Variants in SGIP1 observed in about 807,000 individuals in gnomAD.
The protein encoded by SGIP1 is SH3GL interacting endocytic adaptor 1.
In SGIP1, 38 loss-of-function variants were observed where a neutral mutation model predicts 107.5. The observed-to-expected ratio is 0.35, with a 90% CI of 0.27 to 0.46. The LOEUF (loss-of-function observed/expected upper bound fraction) is 0.46. Among genes scored for constraint, SGIP1 ranks in the 20% least tolerant of loss-of-function variants. The probability of loss-of-function intolerance (pLI) is 1.00; values close to 1 mark genes in which losing one functional copy is unlikely to be tolerated. For synonymous variants in SGIP1, 365 were observed against 366.1 expected, an observed-to-expected ratio of 1.00 and a Z score of 0.03; for missense variants, 929 against 1,019.5, an observed-to-expected ratio of 0.91 and a Z score of 1.21.
At chr1:66,667,606 C>T (rs186104207) in intron 9 of SGIP1, 65 bp downstream of exon 9, 12 of 1,496,786 alleles carry the variant, frequency 8.0e-6, no homozygotes, top group African/African-American at 6.9e-5. Context: ...GGCAAGGTGG[C>T]CAGGTTGGTT....
rs2094596215 is a variant in SGIP1 at position 66,749,452 on chromosome 1, T to TTG, written c.*6357_*6358insTG. Among the ~76,000 whole-genome samples, 1 of 151,408 alleles carries TTG rather than the reference T, an allele frequency of 6.6e-6. No homozygotes were observed. Among genetic ancestry groups the TTG allele is most frequent in the Non-Finnish European group, 1.5e-5 (1 of 67,780 alleles). ...TGAGCATTTCATAGGGTTTTTTTTTTGCTGTTTTTTTTTCTTTTTTTGCTT... is the reference window on the plus strand; with the variant it reads ...TGAGCATTTCATAGGGTTTTTTTTTTTGGCTGTTTTTTTTTCTTTTTTTGCTT... On this transcript the variant is annotated 3_prime_UTR_variant, in exon 25 of 25. Transcript: ENST00000371037.
At chr1:66,591,706 A>C (rs1379265266) in intron 1 of SGIP1, among the ~76,000 whole-genome samples, 1 of 152,168 alleles carries the variant, frequency 6.6e-6, no homozygotes, top group Non-Finnish European at 1.5e-5. Context: ...CATAGGGAGG[A>C]CCAGCGCGGG....
At chr1:66,548,960 T>A (rs2056923194) in intron 1 of SGIP1, among the ~76,000 whole-genome samples, 1 of 152,236 alleles carries the variant, frequency 6.6e-6, no homozygotes, top group Admixed American at 6.5e-5. Flanking sequence ...GTTCCTGGTC[T>A]AGTTTCCTTT....
At chr1:66,606,155 T>C (rs951065772) in intron 1 of SGIP1, among the ~76,000 whole-genome samples, 5 of 152,188 alleles carry the variant, frequency 3.3e-5, no homozygotes, top group African/African-American at 1.2e-4. Context: ...GTTTAAATCT[T>C]AGTGCCATTT....
At chr1:66,683,859 A>C (rs993433472) in intron 15 of SGIP1, among the ~76,000 whole-genome samples, 2 of 151,582 alleles carry the variant, frequency 1.3e-5, no homozygotes, top group Admixed American at 1.3e-4. Flanking sequence ...GTGTGCCACC[A>C]GACCCAGCTA....
chr1:66,685,236 T>C (rs940194678), intron 15 of SGIP1, among the ~76,000 whole-genome samples: 1 of 152,230 alleles, frequency 6.6e-6, no homozygotes, highest in Non-Finnish European at 1.5e-5. Flanking sequence ...TTTTTAAAAT[T>C]TTATTCACAG....
intron 1 of SGIP1, among the ~76,000 whole-genome samples, chr1:66,540,326 G>A (rs770215307): frequency 5.9e-5 from 9 of 152,206 alleles, no homozygotes; most frequent in Non-Finnish European, 8.8e-5. Flanking sequence ...ATGAAAAGAG[G>A]CACATTGTAG....
In SGIP1 at chr1:66,721,987, C is replaced by T. The variant is rs555936312; in HGVS notation, c.1742+2582C>T. Among the ~76,000 whole-genome samples, 9 of 152,248 alleles carry T rather than the reference C, an allele frequency of 5.9e-5. 1 individual carries two copies. The highest frequency in any genetic ancestry group is 2.2e-4 in the African/African-American group (9 of 41,546). On this transcript the variant is annotated intron_variant, in intron 19 of 24. Transcript: ENST00000371037. ...TGCTTCATAATACTCTTACAAGACC[C>T]TCCATGATCTGCCCTTCGAGACTCC...
intron 4 of SGIP1, among the ~76,000 whole-genome samples, chr1:66,637,665 A>C (rs937264393): frequency 4.6e-5 from 7 of 151,674 alleles, no homozygotes; most frequent in Non-Finnish European, 7.4e-5. Flanking sequence ...CTAGATCGTC[A>C]AATTTAGAAC....
chr1:66,699,667 A>C (rs1016921445), intron 18 of SGIP1, among the ~76,000 whole-genome samples: 1 of 152,138 alleles, frequency 6.6e-6, no homozygotes, highest in Non-Finnish European at 1.5e-5. Flanking sequence ...TTCATTCAAC[A>C]AATATTAAGT....
At position 66,670,499 on chromosome 1, in the gene SGIP1, T is replaced by A. The variant is rs575313143; in HGVS notation, c.484-496T>A. Among the ~76,000 whole-genome samples, 13 of 152,348 alleles carry A rather than the reference T, an allele frequency of 8.5e-5. No homozygotes were observed. The South Asian group carries it at 2.5e-3, about 29-fold the overall frequency. ...TCATTCAATGGCAGATAGTTCAAGT[T>A]TCCCCTGCCTTTTACACTTGCTATC... On this transcript the variant is annotated intron_variant, in intron 9 of 24. Coordinates refer to ENST00000371037, the MANE Select transcript of SGIP1 (RefSeq NM_032291.4).
At chr1:66,678,661 T>C (rs771594852) in intron 13 of SGIP1, among the ~76,000 whole-genome samples, 2 of 152,116 alleles carry the variant, frequency 1.3e-5, no homozygotes, top group African/African-American at 2.4e-5. Context: ...GGGTTGTTAG[T>C]CATACTTATT....
chr1:66,555,972 G>A (rs550019060), intron 1 of SGIP1, among the ~76,000 whole-genome samples: 23 of 152,202 alleles, frequency 1.5e-4, no homozygotes, highest in South Asian at 6.2e-4. Flanking sequence ...TGAACCCCGC[G>A]ATTCTGGCTA....
At chr1:66,663,008 T>C (rs1272423496) in intron 8 of SGIP1, among the ~76,000 whole-genome samples, 1 of 152,192 alleles carries the variant, frequency 6.6e-6, no homozygotes, top group Non-Finnish European at 1.5e-5. Context: ...ATAGGTGTTT[T>C]GTTTGGTTGT....
intron 12 of SGIP1, among the ~76,000 whole-genome samples, chr1:66,676,664 G>T (rs780190889): frequency 1.3e-5 from 2 of 152,108 alleles, no homozygotes; most frequent in Non-Finnish European, 2.9e-5. Context: ...TTAATGTCTG[G>T]ATTTTCAAAT....
chr1:66,736,196 AATATTTTAAATATAAATATTTAT>A (rs2094226512), intron 21 of SGIP1, among the ~76,000 whole-genome samples: 2 of 57,890 alleles, frequency 3.5e-5, no homozygotes, highest in South Asian at 7.6e-4. Flanking sequence ...TATTTATACA[AATATTTTAAATATAAATATTTAT>A]ACAAATATTT....
At chr1:66,622,011 A>G (rs1208764453) in intron 1 of SGIP1, among the ~76,000 whole-genome samples, 1 of 152,252 alleles carries the variant, frequency 6.6e-6, no homozygotes, top group Non-Finnish European at 1.5e-5. Flanking sequence ...GAGTATGAGA[A>G]GTACTCTGTA....
intron 17 of SGIP1, chr1:66,694,331 A>G: frequency 1.1e-6 from 1 of 890,838 alleles, no homozygotes; most frequent in Non-Finnish European, 1.7e-6. Flanking sequence ...TCCTTTTTCC[A>G]CTAAAATCAT....
intron 19 of SGIP1, among the ~76,000 whole-genome samples, chr1:66,724,279 C>T (rs2093661733): frequency 6.6e-6 from 1 of 152,134 alleles, no homozygotes; most frequent in Admixed American, 6.5e-5. Context: ...TGTGAGGATT[C>T]ACATGATTTC....
Sources: gnomAD v4.1 joint callset for allele counts (sites outside exome capture counted in the v4.1 genomes callset) on GRCh38, gnomAD v4.1.1 for gene constraint, MANE v1.5 for transcripts, NCBI Gene and HGNC (gene_info 2026-07-23, HGNC 2026-07-21) for gene names.